The following LCP1 variants were observed in gnomAD, a reference collection of about 807,000 sequenced individuals.
LCP1 encodes plastin-2.
In LCP1, 23 loss-of-function variants were observed where a neutral mutation model predicts 72.0. That is an observed-to-expected ratio of 0.32 (90% confidence interval 0.23 to 0.45). The LOEUF (loss-of-function observed/expected upper bound fraction) is 0.45. Ranked by LOEUF, LCP1 falls within the 20% of genes least tolerant of loss-of-function variation. The pLI is 1.00. For missense variants in LCP1, 571 were observed against 748.3 expected (o/e 0.76, Z 2.76); for synonymous variants, 245 against 275.4 (o/e 0.89, Z 1.09).
chr13:46,132,146 A>G (rs1028748213), intron 14 of LCP1, among the ~76,000 whole-genome samples: 3 of 152,152 alleles, frequency 2.0e-5, no homozygotes, highest in African/African-American at 7.2e-5. Context: ...TACTAAGAAG[A>G]CAGGAGAAAA....
intron 1 of LCP1, among the ~76,000 whole-genome samples, chr13:46,176,608 A>G (rs548321049): frequency 9.2e-5 from 14 of 152,322 alleles, no homozygotes; most frequent in African/African-American, 2.9e-4. Context: ...GACTACTACC[A>G]GACTGAGGAA....
In LCP1 at chr13:46,158,661, T is replaced by C. The variant is rs1459690101; in HGVS notation, c.229-10A>G. On this transcript the variant is annotated splice_polypyrimidine_tract_variant and intron_variant, in intron 3 of 15. Coordinates refer to ENST00000323076, the MANE Select transcript of LCP1 (RefSeq NM_002298.5). ...TTAGGCCATGGAAAATCTGCAAAAA[T>C]ATAATGTATCTTTAGAAACTCAAGC... The C allele has an allele frequency of 6.2e-7, 1 of 1,614,038 alleles. No homozygotes were observed. The highest frequency in any genetic ancestry group is 1.6e-4 in the Middle Eastern group (1 of 6,062).
At chr13:46,139,258 T>C (rs2045683568) in intron 13 of LCP1, among the ~76,000 whole-genome samples, 1 of 152,218 alleles carries the variant, frequency 6.6e-6, no homozygotes, top group African/African-American at 2.4e-5. Context: ...GGGAGCCTTA[T>C]GACATCTGCC....
chr13:46,144,463 G>C lies in LCP1; in HGVS notation c.1232C>G (p.Pro411Arg). Reference sequence around the variant, plus strand: ...CTACCTGTACAAATGATTGACTCGAGGGTTAACACCCAGGGAGTTCATCCA... The same window carrying C: ...CTACCTGTACAAATGATTGACTCGACGGTTAACACCCAGGGAGTTCATCCA... ...RNWMNSLGVNPRVNHLYSDLS... is the reference protein window; with the variant it reads ...RNWMNSLGVNRRVNHLYSDLS... The change falls in exon 11 of 16, where the codon CCT (proline) becomes CGT (arginine). Residue 411 changes from proline (P) to arginine (R), a missense_variant. By Grantham distance (103) the Pro-to-Arg change is moderately radical (BLOSUM62 -2). Coordinates refer to ENST00000323076, the MANE Select transcript of LCP1 (RefSeq NM_002298.5). 6.2e-7 allele frequency: 1 copy of C among 1,613,638 alleles called. No homozygotes were observed. Among genetic ancestry groups the C allele is most frequent in the Non-Finnish European group, 8.5e-7 (1 of 1,179,598 alleles).
At chr13:46,151,452 A>T (rs2045763829) in intron 7 of LCP1, among the ~76,000 whole-genome samples, 1 of 152,186 alleles carries the variant, frequency 6.6e-6, no homozygotes, top group Non-Finnish European at 1.5e-5. Context: ...TTAAGAGATC[A>T]ATTTTGTAAT....
At chr13:46,155,652 C>A (rs1219684560) in intron 5 of LCP1, among the ~76,000 whole-genome samples, 2 of 152,194 alleles carry the variant, frequency 1.3e-5, no homozygotes, top group African/African-American at 4.8e-5. Context: ...ACTTCACTTA[C>A]AACTTGGCCT....
chr13:46,158,989 T>C lies in LCP1; in HGVS notation c.65A>G (p.Asp22Gly). 24 of 1,613,952 alleles carry C rather than the reference T, an allele frequency of 1.5e-5. No homozygotes were observed. Among genetic ancestry groups the C allele is most frequent in the Non-Finnish European group, 2.0e-5 (24 of 1,179,972 alleles). The change falls in exon 3 of 16, where the codon GAT (aspartate) becomes GGT (glycine). Residue 22 changes from aspartate to glycine, a missense_variant and splice_region_variant. Asp to Gly is a moderately conservative substitution (Grantham distance 94). Coordinates refer to ENST00000323076, the MANE Select transcript of LCP1 (RefSeq NM_002298.5). ...MELREAFAKV[D>G]TDGNGYISFN... ...GCTGATGTATCCATTGCCATCAGTA[T>C]CTGTAATGTACACAATATACTGAAG...
At chr13:46,142,582 T>C (rs931074871) in intron 12 of LCP1, 157 bp from the exon 13 acceptor site, 2 of 774,884 alleles carry the variant, frequency 2.6e-6, no homozygotes, top group African/African-American at 3.5e-5. Flanking sequence ...GATTCAAAAT[T>C]AAAGAATTTT....
chr13:46,132,871 G>A (rs375400198), intron 14 of LCP1, among the ~76,000 whole-genome samples: 95 of 152,096 alleles, frequency 6.2e-4, no homozygotes, highest in African/African-American at 2.2e-3. Flanking sequence ...ATTTTTTCTT[G>A]ATTTTGAAAC....
rs17601597 is a variant in LCP1 at position 46,145,956 on chromosome 13, C to T, written c.1174+952G>A. ...AAAAAAAAAAAAAAAAGAGGGCAAACGGGATGGGAGGTGGGCTGGAAAGGC... is the reference window on the plus strand; with the variant it reads ...AAAAAAAAAAAAAAAAGAGGGCAAATGGGATGGGAGGTGGGCTGGAAAGGC... On this transcript the variant is annotated intron_variant, in intron 10 of 15. Coordinates refer to ENST00000323076, the MANE Select transcript of LCP1 (RefSeq NM_002298.5). Among the ~76,000 whole-genome samples, 226 of 62,802 alleles carry T rather than the reference C, an allele frequency of 3.6e-3. 1 individual carries two copies. The highest frequency in any genetic ancestry group is 7.6e-3 in the Admixed American group (36 of 4,732). The allele number at this position is 62,802 out of a possible 152,430, so 41.2% of individuals were successfully genotyped here.
At position 46,154,893 on chromosome 13, in the gene LCP1, G is replaced by C. The variant is rs2045791213; in HGVS notation, c.492-7C>G. ...TGACAGGTTGATCATTTTACTGAAA[G>C]AGAAACAATTAAATTAAAGAAAGCA... is the stretch of plus-strand genomic sequence containing the variant. On this transcript the variant is annotated splice_region_variant and splice_polypyrimidine_tract_variant and intron_variant, in intron 5 of 15. Coordinates refer to ENST00000323076, the MANE Select transcript of LCP1 (RefSeq NM_002298.5). 6.2e-7 allele frequency: 1 copy of C among 1,609,828 alleles called. No individual in the cohort carries two copies. Among genetic ancestry groups the C allele is most frequent in the Non-Finnish European group, 8.5e-7 (1 of 1,176,358 alleles).
At chr13:46,146,768 C>T in intron 10 of LCP1, 140 bp downstream of exon 10, 3 of 816,234 alleles carry the variant, frequency 3.7e-6, no homozygotes, top group Admixed American at 2.2e-5. Context: ...TCTATTTATT[C>T]TCTTTGTTGC....
rs777693188 is a variant in LCP1, at chr13:46,151,126, GGA to G, written c.740-50_740-49del. ...GAAAAATAAATGCAGCGATGTTGGG[GGA>G]GGGGGGTTGGTTATAACTTTCATTA... On this transcript the variant is annotated intron_variant, in intron 7 of 15. Transcript: ENST00000323076. 1,799 of 1,567,564 alleles carry G rather than the reference GGA, an allele frequency of 1.1e-3. 36 individuals are homozygous for G. The Admixed American group carries it at 0.032, about 28-fold the overall frequency.
rs1311157298 is a variant in LCP1 at position 46,156,331 on chromosome 13, G to T, written c.491+107C>A. The T allele has an allele frequency of 3.8e-6, 5 of 1,311,006 alleles. No individual in the cohort carries two copies. The African/African-American group carries it at 5.9e-5, about 15-fold the overall frequency. The allele number at this position is 1,311,006 out of a possible 1,614,324, so 81.2% of individuals were successfully genotyped here. A position where few individuals can be genotyped will look rare whatever the true frequency, so the allele number is the denominator to read the frequency against. The stretch of plus-strand genomic sequence containing the variant: ...GTGAAAGTCCAGAAAAGCCTTCTAG[G>T]TGCAGCTGAGCACCAAACAAAGTTG... On this transcript the variant is annotated intron_variant, in intron 5 of 15. Transcript: ENST00000323076.
chr13:46,162,295 C>A (rs2045844301), intron 1 of LCP1, among the ~76,000 whole-genome samples: 2 of 138,088 alleles, frequency 1.4e-5, no homozygotes, highest in Non-Finnish European at 3.1e-5. Flanking sequence ...CTCCCGTCTC[C>A]CTCAACCCAC....
chr13:46,142,830 G>A, intron 12 of LCP1: 1 of 457,734 alleles, frequency 2.2e-6, no homozygotes, highest in South Asian at 1.6e-5. Flanking sequence ...AGATATTCCT[G>A]TAGCTACGCA....
chr13:46,166,146 C>CA (rs2138273998), intron 1 of LCP1, among the ~76,000 whole-genome samples: 1 of 152,084 alleles, frequency 6.6e-6, no homozygotes, highest in East Asian at 1.9e-4. Flanking sequence ...AATATAGAAA[C>CA]AATTTGTGGG....
At chr13:46,150,815 G>C in intron 8 of LCP1, 121 bp downstream of exon 8, 10 of 1,122,098 alleles carry the variant, frequency 8.9e-6, no homozygotes, top group South Asian at 1.5e-5. Flanking sequence ...CTCCAAAACA[G>C]CACCAGACTA....
chr13:46,148,369 C>T lies in LCP1; in HGVS notation c.961G>A (p.Asp321Asn). 1 of 1,613,024 alleles carries T rather than the reference C, an allele frequency of 6.2e-7. No individual in the cohort carries two copies. The highest frequency in any genetic ancestry group is 8.5e-7 in the Non-Finnish European group (1 of 1,179,400). Residue 321 changes from aspartate to asparagine, a missense_variant, in exon 9 of 16, where the codon GAC becomes AAC. Physicochemically the swap from Asp to Asn is conservative, Grantham distance 23. Transcript: ENST00000323076. The part of the protein sequence containing the change: ...DEEGVPAVVI[D>N]MSGLREKDDI... Reference sequence around the variant, plus strand: ...GGCCTTACCCGCAGTCCTGACATGTCAATAACAACAGCAGGAACACCTTCT... The same window carrying T: ...GGCCTTACCCGCAGTCCTGACATGTTAATAACAACAGCAGGAACACCTTCT...
Sources: allele counts gnomAD v4.1 joint callset (sites outside exome capture counted in the v4.1 genomes callset), GRCh38; gene constraint gnomAD v4.1.1; transcripts MANE v1.5; gene names NCBI Gene and HGNC (gene_info 2026-07-23, HGNC 2026-07-21).